ZFHX3: variants seen among roughly 807,000 people sequenced by gnomAD.
ZFHX3 encodes the protein zinc finger homeobox 3.
ZFHX3 carries 42 observed loss-of-function variants against 279.1 expected under a neutral mutation model. The observed-to-expected ratio is 0.15, with a 90% confidence interval of 0.12 to 0.19. ZFHX3 has a LOEUF of 0.19. Ranked by LOEUF, ZFHX3 falls within the 10% of genes least tolerant of loss-of-function variation. The probability of loss-of-function intolerance (pLI) is 1.00; values close to 1 mark genes in which losing one functional copy is unlikely to be tolerated. For synonymous variants in ZFHX3, 2,293 were observed against 1,957.8 expected, an observed-to-expected ratio of 1.17 and a Z score of -4.52; for missense variants, 4,981 against 4,754.0, an observed-to-expected ratio of 1.05 and a Z score of -1.40.
chr16:73,325,280 T>C (rs973423033), intron 3 of ZFHX3, among the ~76,000 whole-genome samples: 38 of 152,218 alleles, frequency 2.5e-4, no homozygotes, highest in African/African-American at 8.9e-4. Context: ...GGCTCTACTA[T>C]GGCCCAGGCA....
intron 5 of ZFHX3, among the ~76,000 whole-genome samples, chr16:73,229,924 A>T (rs1597231703): frequency 6.6e-6 from 1 of 152,200 alleles, no homozygotes; most frequent in East Asian, 1.9e-4. Context: ...TAAAGTAAAA[A>T]GGGATTGGTA....
At chr16:73,026,864 G>A (rs141487320) in intron 1 of ZFHX3, among the ~76,000 whole-genome samples, 374 of 152,240 alleles carry the variant, frequency 2.5e-3, no homozygotes, top group Admixed American at 4.5e-3. Flanking sequence ...GAGAACTAAC[G>A]TGACTTACCC....
In ZFHX3 at chr16:73,161,339, G is replaced by A. The variant is rs149922390; in HGVS notation, c.-1103-17508C>T. Among the ~76,000 whole-genome samples the A allele has an allele frequency of 1.8e-3, 278 of 152,164 alleles. No individual in the cohort carries two copies. The East Asian group carries it at 0.02, about 11-fold the overall frequency. ...TCATAAAGTCGTCTCCAACCACCTC[G>A]GATCATGGAGCTGCTTTGCTCTTCT... On this transcript the variant is annotated intron_variant, in intron 5 of 17. Transcript: ENST00000641206.
At chr16:73,378,302 A>T (rs1365107219) in intron 3 of ZFHX3, among the ~76,000 whole-genome samples, 3 of 152,148 alleles carry the variant, frequency 2.0e-5, no homozygotes, top group African/African-American at 7.2e-5. Context: ...TAGTTGTTTT[A>T]ATTTGCATTT....
chr16:73,142,914 A>T (rs73593198), intron 6 of ZFHX3, among the ~76,000 whole-genome samples: 2,803 of 152,250 alleles, frequency 0.018, 85 homozygotes, highest in African/African-American at 0.063. Context: ...AGTGATGGGG[A>T]TGAAACGGAC....
intron 5 of ZFHX3, among the ~76,000 whole-genome samples, chr16:73,155,872 C>T (rs1967067822): frequency 6.6e-6 from 1 of 151,510 alleles, no homozygotes; most frequent in Non-Finnish European, 1.5e-5. Context: ...ATATATATGA[C>T]ACATGTCATT....
intron 2 of ZFHX3, among the ~76,000 whole-genome samples, chr16:73,475,585 A>ATT (rs2018752064): frequency 6.6e-6 from 1 of 152,132 alleles, no homozygotes; most frequent in South Asian, 2.1e-4. Flanking sequence ...TTTTTGAAGT[A>ATT]TTACATATAA....
At chr16:73,834,685 G>A (rs1465529144) in intron 1 of ZFHX3, among the ~76,000 whole-genome samples, 2 of 152,180 alleles carry the variant, frequency 1.3e-5, no homozygotes, top group Non-Finnish European at 1.5e-5. Context: ...GAGGTCAAGA[G>A]ATCAAGACCA....
At chr16:73,656,931 T>C (rs1305025712) in intron 2 of ZFHX3, among the ~76,000 whole-genome samples, 1 of 152,212 alleles carries the variant, frequency 6.6e-6, no homozygotes, top group Non-Finnish European at 1.5e-5. Context: ...TTTCTAGAAA[T>C]GCAAATCCTG....
intron 1 of ZFHX3, among the ~76,000 whole-genome samples, chr16:73,006,893 T>C (rs994580151): frequency 1.3e-5 from 2 of 152,246 alleles, no homozygotes; most frequent in African/African-American, 2.4e-5. Flanking sequence ...GTAAATGCTA[T>C]ATAAATATTT....
At chr16:73,629,566 G>A (rs1789875929) in intron 2 of ZFHX3, among the ~76,000 whole-genome samples, 1 of 151,942 alleles carries the variant, frequency 6.6e-6, no homozygotes, top group African/African-American at 2.4e-5. Context: ...AGTCACAGGA[G>A]GGAATGAGAA....
At chr16:73,372,211 C>G (rs1299950791) in intron 3 of ZFHX3, among the ~76,000 whole-genome samples, 3 of 152,144 alleles carry the variant, frequency 2.0e-5, no homozygotes, top group African/African-American at 7.2e-5. Flanking sequence ...CTGTAGTCCG[C>G]CTACCAGTAC....
exon 6 of ZFHX3, chr16:73,143,817 CTT>C: frequency 1.5e-6 from 2 of 1,300,228 alleles, no homozygotes; most frequent in Non-Finnish European, 2.0e-6. Context: ...GGGGTTGTAA[CTT>C]ATATCTTCCG....
At chr16:72,999,634 C>A (rs915481955) in intron 1 of ZFHX3, among the ~76,000 whole-genome samples, 9 of 152,196 alleles carry the variant, frequency 5.9e-5, no homozygotes. Context: ...TCAGGGGTGA[C>A]CCATCTATCC....
chr16:72,890,499 T>G (rs1448834341), intron 3 of ZFHX3, among the ~76,000 whole-genome samples: 1 of 149,180 alleles, frequency 6.7e-6, no homozygotes, highest in Non-Finnish European at 1.5e-5. Flanking sequence ...TTAGAGGGTT[T>G]TTTTTTTTTT....
chr16:73,807,464 G>A (rs1960309088), intron 1 of ZFHX3, among the ~76,000 whole-genome samples: 1 of 151,950 alleles, frequency 6.6e-6, no homozygotes, highest in Admixed American at 6.6e-5. Context: ...GTTAAAAGCT[G>A]CTAAAAATGA....
chr16:73,706,600 C>T lies in ZFHX3; in HGVS notation c.-1607-26360G>A, dbSNP rs553825538. ...GGCTCTCCGTGGTGTAGCCCAATCT[C>T]TCATCACAGCCCTTCCCACCTATTC... On this transcript the variant is annotated intron_variant, in intron 1 of 17. Transcript: ENST00000641206. Among the ~76,000 whole-genome samples, 68 of 152,316 alleles carry T rather than the reference C, an allele frequency of 4.5e-4. No homozygotes were observed. The South Asian group carries it at 0.014, about 31-fold the overall frequency.
intron 1 of ZFHX3, among the ~76,000 whole-genome samples, chr16:73,877,164 C>G (rs940303367): frequency 2.4e-5 from 3 of 126,264 alleles, no homozygotes; most frequent in Non-Finnish European, 4.6e-5. Context: ...TCAAGCATAA[C>G]AAAAAGAAAC....
intron 3 of ZFHX3, among the ~76,000 whole-genome samples, chr16:73,374,372 G>A (rs4416040): frequency 0.21 from 8,061 of 39,152 alleles, 713 homozygotes; most frequent in African/African-American, 0.39. Context: ...TCAAGGCCAG[G>A]CTTGGTCATT....
Sources: allele counts gnomAD v4.1 joint callset (sites outside exome capture counted in the v4.1 genomes callset), GRCh38; gene constraint gnomAD v4.1.1; transcripts MANE v1.5; gene names NCBI Gene and HGNC (gene_info 2026-07-23, HGNC 2026-07-21).